Variants in CREB5 observed in about 807,000 individuals in gnomAD.
CREB5 encodes cAMP responsive element binding protein 5.
In CREB5, 19 loss-of-function variants were observed where a neutral mutation model predicts 57.1. That is an observed-to-expected ratio of 0.33 (90% CI 0.23 to 0.49). The LOEUF is 0.49. CREB5 is among the 20% of genes least tolerant of loss of function. The pLI, the probability that CREB5 is intolerant of heterozygous loss-of-function variation, is 0.99. For missense variants in CREB5, 579 were observed against 671.6 expected (o/e 0.86, Z 1.52); for synonymous variants, 238 against 238.3 (o/e 1.00, Z 0.01).
At chr7:28,317,333 G>T (rs1785402380) in intron 1 of CREB5, among the ~76,000 whole-genome samples, 2 of 152,208 alleles carry the variant, frequency 1.3e-5, no homozygotes, top group African/African-American at 4.8e-5. Context: ...TCTGGCTGTT[G>T]TTTACCACGT....
At position 28,754,644 on chromosome 7, in the gene CREB5, T is replaced by G. The variant is rs888800690; in HGVS notation, c.702+30312T>G. 3.9e-5 allele frequency among the ~76,000 whole-genome samples: 6 copies of G among 152,318 alleles called. No homozygotes were observed. The East Asian group carries it at 1.2e-3, about 29-fold the overall frequency. On this transcript the variant is annotated intron_variant, in intron 7 of 10. Coordinates refer to ENST00000357727, the MANE Select transcript of CREB5 (RefSeq NM_182898.4). Reference sequence around the variant, plus strand: ...TTTCCTACTAACTTAGAGGAATAAGTTGGTTGCCAAGAGCATGCTGGCACG... The same window carrying G: ...TTTCCTACTAACTTAGAGGAATAAGGTGGTTGCCAAGAGCATGCTGGCACG...
At chr7:28,495,172 C>T (rs188477074) in intron 3 of CREB5, among the ~76,000 whole-genome samples, 173 bp downstream of exon 3, 44 of 152,214 alleles carry the variant, frequency 2.9e-4, no homozygotes, top group Non-Finnish European at 5.3e-4. Flanking sequence ...GACTGAAGAG[C>T]GGCAACTTCT....
chr7:28,690,968 A>C (rs1239121875), intron 5 of CREB5, among the ~76,000 whole-genome samples: 1 of 152,220 alleles, frequency 6.6e-6, no homozygotes, highest in African/African-American at 2.4e-5. Flanking sequence ...TTAAAATGCC[A>C]AATTTCCCAT....
chr7:28,575,773 C>T (rs1184385081), intron 5 of CREB5, among the ~76,000 whole-genome samples: 2 of 152,130 alleles, frequency 1.3e-5, no homozygotes, highest in South Asian at 4.1e-4. Flanking sequence ...AGAACATTTA[C>T]GAGGGCCCTT....
intron 5 of CREB5, among the ~76,000 whole-genome samples, chr7:28,634,901 T>C (rs1414346558): frequency 6.6e-6 from 1 of 152,172 alleles, no homozygotes; most frequent in Non-Finnish European, 1.5e-5. Flanking sequence ...GGTAGAGCAC[T>C]GTATCAGTTA....
At chr7:28,803,879 T>C (rs1284503643) in intron 7 of CREB5, among the ~76,000 whole-genome samples, 1 of 152,058 alleles carries the variant, frequency 6.6e-6, no homozygotes, top group Non-Finnish European at 1.5e-5. Context: ...GTAGATACGA[T>C]ATAATGCATG....
intron 1 of CREB5, among the ~76,000 whole-genome samples, chr7:28,334,379 A>G (rs932717284): frequency 1.3e-5 from 2 of 152,112 alleles, no homozygotes; most frequent in Admixed American, 6.6e-5. Flanking sequence ...CTGGTCTCCA[A>G]TTCCTGACCT....
chr7:28,370,695 AC>A (rs1457828061), intron 1 of CREB5, among the ~76,000 whole-genome samples: 1 of 152,254 alleles, frequency 6.6e-6, no homozygotes, highest in East Asian at 1.9e-4. Context: ...GTGAACACAT[AC>A]GCACTGTAGC....
At chr7:28,555,145 A>G (rs1026164689) in intron 4 of CREB5, among the ~76,000 whole-genome samples, 4 of 122,184 alleles carry the variant, frequency 3.3e-5, no homozygotes, top group Admixed American at 1.6e-4. Flanking sequence ...AGCTTCCTGC[A>G]TATGGGTTTA....
intron 7 of CREB5, among the ~76,000 whole-genome samples, chr7:28,725,563 G>T (rs757554908): frequency 2.7e-5 from 4 of 150,702 alleles, no homozygotes; most frequent in Non-Finnish European, 4.4e-5. Context: ...GCCCTGCTGA[G>T]CCAAACCAAA....
chr7:28,473,247 A>G (rs1422511110), intron 1 of CREB5, among the ~76,000 whole-genome samples: 1 of 152,110 alleles, frequency 6.6e-6, no homozygotes, highest in Non-Finnish European at 1.5e-5. Flanking sequence ...GTTTAAGCCT[A>G]GGGGATCAAG....
intron 1 of CREB5, among the ~76,000 whole-genome samples, chr7:28,311,461 C>T (rs1785274951): frequency 6.6e-6 from 1 of 152,240 alleles, no homozygotes; most frequent in Non-Finnish European, 1.5e-5. Flanking sequence ...TCTCTTCCCT[C>T]TTCCCGTGGA....
intron 1 of CREB5, among the ~76,000 whole-genome samples, chr7:28,451,994 G>A (rs1197163607): frequency 6.6e-6 from 1 of 152,128 alleles, no homozygotes; most frequent in East Asian, 1.9e-4. Flanking sequence ...AACTTTAGCT[G>A]CCAGCTCCCT....
At chr7:28,787,328 G>A (rs751651938) in intron 7 of CREB5, among the ~76,000 whole-genome samples, 1 of 152,176 alleles carries the variant, frequency 6.6e-6, no homozygotes, top group African/African-American at 2.4e-5. Flanking sequence ...TTCTTATTTA[G>A]TATTCTAGAT....
chr7:28,626,141 T>C (rs1797990080), intron 5 of CREB5, among the ~76,000 whole-genome samples: 1 of 152,228 alleles, frequency 6.6e-6, no homozygotes. Context: ...TATAATTCAT[T>C]GTTTTCTGTA....
At chr7:28,687,300 G>A (rs1254108607) in intron 5 of CREB5, among the ~76,000 whole-genome samples, 3 of 151,684 alleles carry the variant, frequency 2.0e-5, no homozygotes, top group African/African-American at 7.3e-5. Flanking sequence ...GTAGTGAGGG[G>A]GCGATGATGA....
chr7:28,633,368 CATGTGT>C (rs1250175644), intron 5 of CREB5, among the ~76,000 whole-genome samples: 2 of 89,534 alleles, frequency 2.2e-5, no homozygotes, highest in African/African-American at 1.2e-4. Flanking sequence ...TTCAATCATT[CATGTGT>C]GTGTGTGTGT....
chr7:28,717,278 C>T (rs1030990835), intron 5 of CREB5, among the ~76,000 whole-genome samples: 4 of 151,670 alleles, frequency 2.6e-5, no homozygotes, highest in Non-Finnish European at 5.9e-5. Context: ...AGGCTGGTCT[C>T]GAACTCTTTA....
At chr7:28,621,878 A>C (rs1327742772) in intron 5 of CREB5, among the ~76,000 whole-genome samples, 1 of 152,226 alleles carries the variant, frequency 6.6e-6, no homozygotes, top group Non-Finnish European at 1.5e-5. Context: ...TTATTGTTTT[A>C]ATTGAGGAAG....
Sources: gnomAD v4.1 joint callset for allele counts (sites outside exome capture counted in the v4.1 genomes callset) on GRCh38, gnomAD v4.1.1 for gene constraint, MANE v1.5 for transcripts, NCBI Gene and HGNC (gene_info 2026-07-23, HGNC 2026-07-21) for gene names.